The following GTF2IRD1 variants were observed in gnomAD, a reference collection of about 807,000 sequenced individuals.
GTF2IRD1 encodes the protein general transcription factor II-I repeat domain-containing protein 1.
GTF2IRD1 carries 26 observed loss-of-function variants against 113.2 expected under a neutral mutation model. That is an observed-to-expected ratio of 0.23 (90% CI 0.17 to 0.32). GTF2IRD1 has a LOEUF of 0.32. GTF2IRD1 is among the 10% of genes least tolerant of loss of function. GTF2IRD1 has a pLI of 1.00. For synonymous variants in GTF2IRD1, 484 were observed against 529.1 expected, an observed-to-expected ratio of 0.91 and a Z score of 1.17; for missense variants, 864 against 1,280.8, an observed-to-expected ratio of 0.67 and a Z score of 4.97.
intron 1 of GTF2IRD1, among the ~76,000 whole-genome samples, chr7:74,461,157 A>G (rs1370435099): frequency 1.3e-5 from 2 of 151,482 alleles, no homozygotes; most frequent in Non-Finnish European, 2.9e-5. Context: ...GGTGTGTGGG[A>G]CCCCCGGGGG....
intron 22 of GTF2IRD1, among the ~76,000 whole-genome samples, chr7:74,571,449 G>A (rs185266979): frequency 2.6e-5 from 4 of 152,286 alleles, no homozygotes; most frequent in Admixed American, 6.5e-5. Flanking sequence ...GGAGGAACCC[G>A]TACAGCCCCA....
intron 1 of GTF2IRD1, among the ~76,000 whole-genome samples, chr7:74,493,597 C>G (rs1475920932): frequency 2.0e-5 from 3 of 152,100 alleles, no homozygotes; most frequent in Non-Finnish European, 4.4e-5. Flanking sequence ...TATCTCGGGT[C>G]TCTAAGGGCA....
intron 22 of GTF2IRD1, among the ~76,000 whole-genome samples, chr7:74,588,388 G>A (rs1801856156): frequency 6.6e-6 from 1 of 151,860 alleles, no homozygotes; most frequent in Non-Finnish European, 1.5e-5. Context: ...GGTTACAGGC[G>A]TGAGCCACCG....
chr7:74,528,946 GAT>G (rs1554347945), intron 8 of GTF2IRD1, among the ~76,000 whole-genome samples: 6 of 69,244 alleles, frequency 8.7e-5, no homozygotes, highest in African/African-American at 3.3e-4. Flanking sequence ...TGGATGGGTG[GAT>G]GGATGGATGG....
chr7:74,466,430 C>T (rs568145556), intron 1 of GTF2IRD1, among the ~76,000 whole-genome samples: 8 of 152,244 alleles, frequency 5.3e-5, no homozygotes, highest in East Asian at 3.9e-4. Flanking sequence ...CAGGGGTTCC[C>T]GTGGCTCCTG....
chr7:74,569,594 C>G (rs1441821492), intron 22 of GTF2IRD1, among the ~76,000 whole-genome samples: 4 of 152,130 alleles, frequency 2.6e-5, no homozygotes, highest in African/African-American at 9.7e-5. Context: ...TGTAATGATA[C>G]GATCAGATTT....
At chr7:74,458,286 T>G (rs913017941) in intron 1 of GTF2IRD1, among the ~76,000 whole-genome samples, 2 of 151,718 alleles carry the variant, frequency 1.3e-5, no homozygotes, top group Admixed American at 6.6e-5. Context: ...GGTGGAGTGG[T>G]GGGAAGGATG....
At chr7:74,480,992 A>G (rs1584487716) in intron 1 of GTF2IRD1, among the ~76,000 whole-genome samples, 1 of 152,002 alleles carries the variant, frequency 6.6e-6, no homozygotes, top group Non-Finnish European at 1.5e-5. Context: ...CCCTCCAGGG[A>G]AGAGGCAGGC....
chr7:74,537,270 AGGCGCAGC>A (rs1798351883), intron 11 of GTF2IRD1, among the ~76,000 whole-genome samples: 1 of 151,570 alleles, frequency 6.6e-6, no homozygotes, highest in African/African-American at 2.4e-5. Flanking sequence ...AAAATTAGCC[AGGCGCAGC>A]GGCGCATGCC....
intron 22 of GTF2IRD1, among the ~76,000 whole-genome samples, chr7:74,584,959 G>A (rs1231895306): frequency 2.0e-5 from 3 of 151,936 alleles, no homozygotes; most frequent in African/African-American, 4.8e-5. Context: ...CTGCCACCAC[G>A]CCTGGCTAAA....
At position 74,496,426 on chromosome 7, in the gene GTF2IRD1, T is replaced by TGC. The variant is rs559977471; in HGVS notation, c.-6-11648_-6-11647dup. Among the ~76,000 whole-genome samples the TGC allele has an allele frequency of 8.9e-3, 1,334 of 149,702 alleles. 14 individuals are homozygous for TGC. The highest frequency in any genetic ancestry group is 0.031 in the African/African-American group (1,252 of 40,436). ...GTGTGCATGTGGGTGTCAATGTGTG[T>TGC]GCATGTGTGTATGCATTTGAGTGTG... is the stretch of plus-strand genomic sequence containing the variant. On this transcript the variant is annotated intron_variant, in intron 1 of 26. Coordinates refer to ENST00000424337, the MANE Select transcript of GTF2IRD1 (RefSeq NM_005685.4).
chr7:74,487,244 G>A (rs1795081116), intron 1 of GTF2IRD1, among the ~76,000 whole-genome samples: 1 of 152,104 alleles, frequency 6.6e-6, no homozygotes, highest in South Asian at 2.1e-4. Context: ...CGCCATGTTG[G>A]CCAGGCTGGT....
At chr7:74,477,939 G>T (rs1794518467) in intron 1 of GTF2IRD1, among the ~76,000 whole-genome samples, 1 of 152,184 alleles carries the variant, frequency 6.6e-6, no homozygotes, top group Non-Finnish European at 1.5e-5. Context: ...TGGGAGACAG[G>T]ATCCCAGGGC....
At chr7:74,488,881 T>G (rs1795169461) in intron 1 of GTF2IRD1, among the ~76,000 whole-genome samples, 1 of 149,986 alleles carries the variant, frequency 6.7e-6, no homozygotes, top group Non-Finnish European at 1.5e-5. Context: ...GGTGGTTCAT[T>G]CCTGTAATCC....
chr7:74,454,416 T>C (rs1554326604), intron 1 of GTF2IRD1, among the ~76,000 whole-genome samples: 1 of 151,486 alleles, frequency 6.6e-6, no homozygotes, highest in Non-Finnish European at 1.5e-5. Flanking sequence ...GGCCGGGAGC[T>C]GGGAGCTGTC....
intron 1 of GTF2IRD1, among the ~76,000 whole-genome samples, chr7:74,469,646 GGATA>G (rs1793967035): frequency 6.6e-6 from 1 of 152,104 alleles, no homozygotes; most frequent in East Asian, 1.9e-4. Context: ...TCCATTTAAT[GGATA>G]GATCATATTT....
At chr7:74,510,097 C>T (rs1365330071) in intron 2 of GTF2IRD1, among the ~76,000 whole-genome samples, 1 of 152,022 alleles carries the variant, frequency 6.6e-6, no homozygotes, top group Non-Finnish European at 1.5e-5. Context: ...TTTGGGGCAG[C>T]GGTGGGAGAC....
chr7:74,494,225 A>T (rs1382077817), intron 1 of GTF2IRD1, among the ~76,000 whole-genome samples: 1 of 152,182 alleles, frequency 6.6e-6, no homozygotes, highest in Non-Finnish European at 1.5e-5. Flanking sequence ...CTACGATCGC[A>T]CCACGGCACT....
intron 22 of GTF2IRD1, among the ~76,000 whole-genome samples, chr7:74,559,875 A>C (rs587729618): frequency 3.6e-4 from 55 of 151,562 alleles, no homozygotes; most frequent in Non-Finnish European, 6.8e-4. Flanking sequence ...CACCTCCTGG[A>C]TTCAAGCAAT....
Sources: gnomAD v4.1 joint callset for allele counts (sites outside exome capture counted in the v4.1 genomes callset) on GRCh38, gnomAD v4.1.1 for gene constraint, MANE v1.5 for transcripts, NCBI Gene and HGNC (gene_info 2026-07-23, HGNC 2026-07-21) for gene names.